The following MYOM2 variants were observed in gnomAD, a reference collection of about 807,000 sequenced individuals.
The protein encoded by MYOM2 is myomesin 2, also known as myomesin-2.
MYOM2 carries 254 observed loss-of-function variants against 187.6 expected under a neutral mutation model. That is an observed-to-expected ratio of 1.35 (90% confidence interval 1.22 to 1.50). MYOM2 has a LOEUF of 1.50. Ranked by LOEUF, MYOM2 falls within the 40% of genes most tolerant of loss-of-function variation. The pLI, the probability that MYOM2 is intolerant of heterozygous loss-of-function variation, is 0.00. For synonymous variants in MYOM2, 981 were observed against 753.8 expected (o/e 1.30, Z -4.94); for missense variants, 2,796 against 1,924.0 (o/e 1.45, Z -8.48).
At chr8:2,136,662 C>T (rs1033071921) in intron 32 of MYOM2, among the ~76,000 whole-genome samples, 5 of 152,172 alleles carry the variant, frequency 3.3e-5, no homozygotes, top group South Asian at 2.1e-4. Context: ...GCTGCCCAGC[C>T]GGTGTGTCCA....
At chr8:2,117,834 T>A in intron 27 of MYOM2, 51 bp from the exon 28 acceptor site, 1 of 1,307,854 alleles carries the variant, frequency 7.6e-7, no homozygotes, top group South Asian at 1.3e-5. Context: ...ATATATTTAT[T>A]TGTTTACTTT....
At chr8:2,094,956 T>C (rs1338890470) in intron 17 of MYOM2, among the ~76,000 whole-genome samples, 1 of 152,128 alleles carries the variant, frequency 6.6e-6, no homozygotes, top group Non-Finnish European at 1.5e-5. Flanking sequence ...CCTCAGGAAG[T>C]CAGTGCGCAT....
At chr8:2,131,798 C>T (rs572331545) in intron 32 of MYOM2, among the ~76,000 whole-genome samples, 17 of 152,074 alleles carry the variant, frequency 1.1e-4, no homozygotes, top group South Asian at 8.3e-4. Context: ...CGCCCACCAC[C>T]ACGCCTGGCT....
At chr8:2,099,141 C>CTG (rs1796600126) in intron 19 of MYOM2, among the ~76,000 whole-genome samples, 158 bp downstream of exon 19, 1 of 152,236 alleles carries the variant, frequency 6.6e-6, no homozygotes, top group Non-Finnish European at 1.5e-5. Flanking sequence ...CCGTGCAGGG[C>CTG]TGTGAATCAG....
At chr8:2,139,261 C>T (rs982664642) in intron 32 of MYOM2, among the ~76,000 whole-genome samples, 1 of 152,196 alleles carries the variant, frequency 6.6e-6, no homozygotes, top group African/African-American at 2.4e-5. Flanking sequence ...CCTGCTTCAG[C>T]CTCCTGAGTA....
chr8:2,079,926 G>A (rs1393102170), intron 13 of MYOM2, among the ~76,000 whole-genome samples: 8 of 152,190 alleles, frequency 5.3e-5, no homozygotes, highest in Non-Finnish European at 7.3e-5. Context: ...CTCAGACTTG[G>A]TTCCTGGGTG....
At chr8:2,103,501 T>C (rs1414838975) in intron 21 of MYOM2, among the ~76,000 whole-genome samples, 1 of 150,162 alleles carries the variant, frequency 6.7e-6, no homozygotes, top group East Asian at 2.0e-4. Flanking sequence ...TATGAATAAA[T>C]GAGTGGGAGA....
chr8:2,088,415 T>C (rs1032979158), intron 14 of MYOM2, among the ~76,000 whole-genome samples: 10 of 152,116 alleles, frequency 6.6e-5, no homozygotes, highest in African/African-American at 1.7e-4. Flanking sequence ...CCATAGGTGG[T>C]TTTTCAGCCC....
chr8:2,086,640 G>A (rs188629679), intron 14 of MYOM2, among the ~76,000 whole-genome samples: 52 of 152,378 alleles, frequency 3.4e-4, no homozygotes, highest in Admixed American at 2.4e-3. Flanking sequence ...CAGCAGGGGC[G>A]GAAATTGGCA....
At position 2,116,232 on chromosome 8, in the gene MYOM2, G is replaced by T; in HGVS notation, c.3342G>T (p.Leu1114=). The change falls in exon 27 of 37, where the codon CTG becomes CTT. Residue 1114 remains leucine, a synonymous_variant. Transcript: ENST00000262113. ...VLIGDAFKTV[L]EEAEFQRKEF... ...TGAATTTAGCATTCAAGACTGTGCT[G>T]GAAGAGGCTGAGTTTCAAAGGAAAG... The T allele has an allele frequency of 1.2e-6, 2 of 1,611,882 alleles. No homozygotes were observed. The highest frequency in any genetic ancestry group is 1.7e-6 in the Non-Finnish European group (2 of 1,178,866).
rs1326319629 is a variant in MYOM2, at chr8:2,106,354, G to C, written c.2847G>C (p.Glu949Asp). The C allele has an allele frequency of 1.2e-6, 2 of 1,614,208 alleles. No individual in the cohort carries two copies. The highest frequency in any genetic ancestry group is 1.7e-6 in the Non-Finnish European group (2 of 1,180,018). ...SQFTWCKSYEEISDDERFKIE... is the reference protein window; with the variant it reads ...SQFTWCKSYEDISDDERFKIE... ...TCACCTGGTGTAAATCCTACGAGGA[G>C]ATTTCAGATGATGAGAGGTTTAAAA... Residue 949 changes from glutamate (E) to aspartate (D), a missense_variant, in exon 22 of 37, where the codon GAG (glutamate) becomes GAC (aspartate). Transcript: ENST00000262113.
chr8:2,103,081 A>T (rs1796766625), intron 21 of MYOM2, among the ~76,000 whole-genome samples: 1 of 141,768 alleles, frequency 7.1e-6, no homozygotes, highest in Admixed American at 7.0e-5. Context: ...GGATGTGTGG[A>T]TGGGTGTATG....
intron 32 of MYOM2, among the ~76,000 whole-genome samples, chr8:2,138,909 G>T (rs1274095227): frequency 6.6e-6 from 1 of 151,986 alleles, no homozygotes; most frequent in African/African-American, 2.4e-5. Context: ...ATCCCACTGT[G>T]CCTTCACAGA....
intron 17 of MYOM2, among the ~76,000 whole-genome samples, chr8:2,094,910 G>A (rs1365580975): frequency 6.6e-6 from 1 of 152,144 alleles, no homozygotes. Flanking sequence ...AAGCTGTGCT[G>A]CAGCCTCGTG....
chr8:2,129,092 T>A, intron 31 of MYOM2, 35 bp from the exon 32 acceptor site: 1 of 1,515,604 alleles, frequency 6.6e-7, no homozygotes, highest in Non-Finnish European at 9.1e-7. Flanking sequence ...CAGGCACTCC[T>A]TTTCCTAGAT....
intron 32 of MYOM2, among the ~76,000 whole-genome samples, chr8:2,130,551 G>A (rs1797829357): frequency 6.6e-6 from 1 of 152,224 alleles, no homozygotes; most frequent in Non-Finnish European, 1.5e-5. Flanking sequence ...GTGACTGTAA[G>A]TAAATTGAAG....
intron 6 of MYOM2, among the ~76,000 whole-genome samples, chr8:2,066,210 G>A (rs1248614932): frequency 6.6e-6 from 1 of 152,208 alleles, no homozygotes; most frequent in Non-Finnish European, 1.5e-5. Flanking sequence ...AGCGGTTCCT[G>A]CACGGGAACT....
chr8:2,083,413 ACG>A (rs1819699555), intron 13 of MYOM2, among the ~76,000 whole-genome samples: 1 of 135,618 alleles, frequency 7.4e-6, no homozygotes, highest in African/African-American at 2.8e-5. Context: ...GTGGCATCTC[ACG>A]TGTGCTTAGC....
chr8:2,140,581 C>A (rs62501378), intron 32 of MYOM2, 142 bp from the exon 33 acceptor site: 2 of 738,490 alleles, frequency 2.7e-6, no homozygotes, highest in African/African-American at 3.5e-5. Flanking sequence ...TCAATACATT[C>A]GTAACAGCCA....
Sources: allele counts gnomAD v4.1 joint callset (sites outside exome capture counted in the v4.1 genomes callset), GRCh38; gene constraint gnomAD v4.1.1; transcripts MANE v1.5; gene names NCBI Gene and HGNC (gene_info 2026-07-23, HGNC 2026-07-21).